The following LRRIQ1 variants were observed in gnomAD, a reference collection of about 807,000 sequenced individuals.
LRRIQ1 encodes the protein leucine-rich repeat- and IQ domain-containing protein 1.
Under a neutral mutation model 211.9 loss-of-function variants are expected in LRRIQ1, and 210 were observed. That is an observed-to-expected ratio of 0.99 (90% CI 0.89 to 1.11). The LOEUF is 1.11. Among genes scored for constraint, LRRIQ1 ranks in the 50% most tolerant of loss-of-function variants. The pLI is 0.00. For synonymous variants in LRRIQ1, 699 were observed against 650.1 expected, an observed-to-expected ratio of 1.08 and a Z score of -1.14; for missense variants, 2,136 against 1,939.5, an observed-to-expected ratio of 1.10 and a Z score of -1.90.
chr12:85,269,416 G>A (rs2137358233), downstream of LRRIQ1, among the ~76,000 whole-genome samples: 1 of 152,080 alleles, frequency 6.6e-6, no homozygotes, highest in South Asian at 2.1e-4. Flanking sequence ...TAACAATCAA[G>A]TTACCTACAC....
At chr12:85,197,569 A>G (rs1477534310) in intron 24 of LRRIQ1, among the ~76,000 whole-genome samples, 1 of 151,168 alleles carries the variant, frequency 6.6e-6, no homozygotes, top group African/African-American at 2.4e-5. Flanking sequence ...TCAGTAAACT[A>G]TCGCAAGAAC....
intron 1 of LRRIQ1, among the ~76,000 whole-genome samples, chr12:85,037,588 T>C (rs975387629): frequency 4.0e-5 from 6 of 151,312 alleles, no homozygotes; most frequent in African/African-American, 1.2e-4. Context: ...TTTGAGATGA[T>C]TGAGTAGAGT....
At chr12:85,224,575 T>C (rs1894557934) in intron 24 of LRRIQ1, among the ~76,000 whole-genome samples, 1 of 152,088 alleles carries the variant, frequency 6.6e-6, no homozygotes, top group African/African-American at 2.4e-5. Flanking sequence ...TGAGTTCATG[T>C]CCTTTGCAGG....
chr12:85,041,707 A>T (rs1468721351), intron 3 of LRRIQ1, among the ~76,000 whole-genome samples: 1 of 151,850 alleles, frequency 6.6e-6, no homozygotes, highest in Admixed American at 6.6e-5. Flanking sequence ...ACATATAAAA[A>T]ATTTTGAGTA....
At chr12:85,051,681 T>C (rs1283362271) in intron 6 of LRRIQ1, among the ~76,000 whole-genome samples, 8 of 152,222 alleles carry the variant, frequency 5.3e-5, no homozygotes, top group Non-Finnish European at 7.3e-5. Flanking sequence ...GTCTTCACAT[T>C]ATCAGAAGAG....
intron 11 of LRRIQ1, among the ~76,000 whole-genome samples, chr12:85,098,001 G>A (rs1055996287): frequency 6.6e-6 from 1 of 152,058 alleles, no homozygotes; most frequent in African/African-American, 2.4e-5. Context: ...AAGTTCAAAG[G>A]CTCTGGAATG....
intron 9 of LRRIQ1, among the ~76,000 whole-genome samples, chr12:85,066,027 C>G (rs913243868): frequency 6.6e-6 from 1 of 151,790 alleles, no homozygotes; most frequent in Middle Eastern, 3.2e-3. Context: ...ATCATGTTGG[C>G]TAATGTTTTA....
chr12:85,234,609 C>A (rs992100326), intron 26 of LRRIQ1, among the ~76,000 whole-genome samples: 2 of 152,028 alleles, frequency 1.3e-5, no homozygotes, highest in Non-Finnish European at 2.9e-5. Flanking sequence ...AGAATGAAAG[C>A]ACCCCACTTG....
At chr12:85,080,224 C>T (rs547076531) in intron 11 of LRRIQ1, among the ~76,000 whole-genome samples, 102 of 151,796 alleles carry the variant, frequency 6.7e-4, no homozygotes, top group Non-Finnish European at 1.2e-3. Context: ...TTTTCTTTTT[C>T]CATTTTTGAG....
intron 24 of LRRIQ1, among the ~76,000 whole-genome samples, chr12:85,177,923 A>T (rs377364836): frequency 6.6e-6 from 1 of 152,096 alleles, no homozygotes; most frequent in Non-Finnish European, 1.5e-5. Flanking sequence ...ACAGCAAATA[A>T]ATCATGGTTA....
chr12:85,272,694 T>A, the LRRIQ1 span, among the ~76,000 whole-genome samples: 1 of 152,064 alleles, frequency 6.6e-6, no homozygotes, highest in African/African-American at 2.4e-5. Flanking sequence ...GTTCATGAAG[T>A]TTTGTGAACT....
At chr12:85,209,037 T>C (rs753223970) in intron 24 of LRRIQ1, among the ~76,000 whole-genome samples, 1 of 152,146 alleles carries the variant, frequency 6.6e-6, no homozygotes, top group African/African-American at 2.4e-5. Flanking sequence ...ATTGGCAACA[T>C]AGTGAAAAAG....
chr12:85,137,113 A>G (rs1889189510), intron 18 of LRRIQ1, among the ~76,000 whole-genome samples: 1 of 151,362 alleles, frequency 6.6e-6, no homozygotes, highest in African/African-American at 2.4e-5. Flanking sequence ...TATATACTTC[A>G]AAATATGTGT....
At chr12:85,062,427 A>C (rs1881932508) in intron 8 of LRRIQ1, among the ~76,000 whole-genome samples, 1 of 151,612 alleles carries the variant, frequency 6.6e-6, no homozygotes, top group South Asian at 2.1e-4. Context: ...TTTAGTTCCC[A>C]CTTATAAATG....
intron 11 of LRRIQ1, among the ~76,000 whole-genome samples, chr12:85,084,833 G>T (rs986411457): frequency 2.0e-5 from 3 of 151,778 alleles, no homozygotes; most frequent in African/African-American, 7.3e-5. Context: ...GGCTGAGGTG[G>T]AAGGATCACT....
At chr12:85,104,967 T>A (rs1033597572) in intron 14 of LRRIQ1, among the ~76,000 whole-genome samples, 13 of 152,116 alleles carry the variant, frequency 8.5e-5, no homozygotes, top group African/African-American at 2.9e-4. Context: ...TATCTCATTG[T>A]GGTTTTAGTT....
At chr12:85,241,468 A>G (rs1243825057) in intron 26 of LRRIQ1, among the ~76,000 whole-genome samples, 2 of 152,016 alleles carry the variant, frequency 1.3e-5, no homozygotes, top group Non-Finnish European at 2.9e-5. Context: ...GTCTAGATAT[A>G]TTACAAATAA....
At chr12:85,111,731 G>C (rs977209781) in intron 15 of LRRIQ1, among the ~76,000 whole-genome samples, 24 of 152,000 alleles carry the variant, frequency 1.6e-4, no homozygotes, top group African/African-American at 5.8e-4. Flanking sequence ...ATTTCTACCA[G>C]AAATAAGCAT....
intron 24 of LRRIQ1, among the ~76,000 whole-genome samples, chr12:85,210,988 C>T (rs1414939004): frequency 3.3e-5 from 5 of 152,194 alleles, no homozygotes; most frequent in South Asian, 4.1e-4. Context: ...ATGGTGTCTA[C>T]CTGAACTCCT....
Sources: allele counts gnomAD v4.1 joint callset (sites outside exome capture counted in the v4.1 genomes callset), GRCh38; gene constraint gnomAD v4.1.1; transcripts MANE v1.5; gene names NCBI Gene and HGNC (gene_info 2026-07-23, HGNC 2026-07-21).